Variants in ADAMTS17 observed in about 807,000 individuals in gnomAD.
ADAMTS17 encodes ADAM metallopeptidase with thrombospondin type 1 motif 17, also known as A disintegrin and metalloproteinase with thrombospondin motifs 17.
Under a neutral mutation model 141.5 loss-of-function variants are expected in ADAMTS17, and 113 were observed. The observed-to-expected ratio is 0.80, with a 90% CI of 0.69 to 0.93. The LOEUF (loss-of-function observed/expected upper bound fraction) is 0.93. Among genes scored for constraint, ADAMTS17 ranks in the 40% least tolerant of loss-of-function variants. ADAMTS17 has a pLI of 0.00. For missense variants in ADAMTS17, 1,659 were observed against 1,517.9 expected (o/e 1.09, Z -1.54); for synonymous variants, 768 against 630.6 (o/e 1.22, Z -3.27).
intron 15 of ADAMTS17, among the ~76,000 whole-genome samples, chr15:100,080,065 T>C (rs1446005457): frequency 6.6e-6 from 1 of 152,162 alleles, no homozygotes; most frequent in Non-Finnish European, 1.5e-5. Context: ...GTTTCTCCCA[T>C]AGCCAGGATT....
chr15:99,994,977 C>T lies in ADAMTS17; in HGVS notation c.2797-1777G>A, dbSNP rs140913722. Among the ~76,000 whole-genome samples the T allele has an allele frequency of 7.3e-3, 1,110 of 152,332 alleles. 7 individuals carry two copies. Among genetic ancestry groups the T allele is most frequent in the Non-Finnish European group, 0.012 (793 of 68,034 alleles). Reference sequence around the variant, plus strand: ...CATGCTTCAGAACTGGCTGCAATGTCCCCTGCAGGGAGTGGGGAGAGTAGC... The same window carrying T: ...CATGCTTCAGAACTGGCTGCAATGTTCCCTGCAGGGAGTGGGGAGAGTAGC... On this transcript the variant is annotated intron_variant, in intron 19 of 21. Transcript: ENST00000268070.
At chr15:99,979,904 C>T (rs1218464990) in intron 20 of ADAMTS17, 1 of 152,196 alleles carries the variant, frequency 6.6e-6, no homozygotes, top group Non-Finnish European at 1.5e-5. Context: ...CCACTTACAT[C>T]ACTAGAGACT....
intron 8 of ADAMTS17, among the ~76,000 whole-genome samples, chr15:100,194,307 G>A (rs559293838): frequency 2.6e-5 from 4 of 152,250 alleles, no homozygotes; most frequent in Admixed American, 6.5e-5. Flanking sequence ...GCCAGCAGCT[G>A]CACTAGGACC....
chr15:100,225,054 C>A (rs533678746), intron 7 of ADAMTS17, among the ~76,000 whole-genome samples: 1 of 152,238 alleles, frequency 6.6e-6, no homozygotes, highest in Non-Finnish European at 1.5e-5. Context: ...TTACTCACCA[C>A]CAATTTCACG....
chr15:100,065,818 C>T (rs1016926459), intron 15 of ADAMTS17, among the ~76,000 whole-genome samples: 6 of 152,150 alleles, frequency 3.9e-5, no homozygotes, highest in South Asian at 2.1e-4. Context: ...CCCATCACCT[C>T]GGTTTTAAGC....
intron 3 of ADAMTS17, among the ~76,000 whole-genome samples, chr15:100,296,536 A>C (rs887255583): frequency 6.6e-6 from 1 of 152,134 alleles, no homozygotes; most frequent in African/African-American, 2.4e-5. Context: ...CCTTACAAAG[A>C]AAGGTGGAAA....
At chr15:100,335,668 CAGG>C (rs1278138328) in intron 2 of ADAMTS17, among the ~76,000 whole-genome samples, 1 of 151,970 alleles carries the variant, frequency 6.6e-6, no homozygotes, top group South Asian at 2.1e-4. Flanking sequence ...GCCTGCAGGG[CAGG>C]AGAAGCGGCC....
chr15:100,054,163 A>C, intron 15 of ADAMTS17, 109 bp from the exon 16 acceptor site: 7 of 1,282,818 alleles, frequency 5.5e-6, no homozygotes, highest in Non-Finnish European at 7.9e-6. Context: ...TCTCCCTTCC[A>C]CAGGGGGAAG....
intron 10 of ADAMTS17, among the ~76,000 whole-genome samples, chr15:100,139,028 A>T (rs921186447): frequency 6.6e-6 from 1 of 152,174 alleles, no homozygotes; most frequent in Non-Finnish European, 1.5e-5. Flanking sequence ...TGTTTTGCAA[A>T]TTGATTGGTT....
chr15:100,325,206 G>C (rs137948895), intron 3 of ADAMTS17, among the ~76,000 whole-genome samples: 7 of 152,304 alleles, frequency 4.6e-5, no homozygotes, highest in African/African-American at 1.7e-4. Context: ...GTGCAGGTAA[G>C]AAAACAGAGG....
At chr15:100,243,801 A>AAG (rs2042901668) in intron 7 of ADAMTS17, among the ~76,000 whole-genome samples, 1 of 85,428 alleles carries the variant, frequency 1.2e-5, no homozygotes, top group Non-Finnish European at 2.4e-5. Context: ...AAAAAAAAAA[A>AAG]AAGAAAGAAA....
intron 7 of ADAMTS17, among the ~76,000 whole-genome samples, chr15:100,235,276 G>A (rs1287522571): frequency 6.6e-6 from 1 of 152,178 alleles, no homozygotes; most frequent in Non-Finnish European, 1.5e-5. Flanking sequence ...CAGTAGGGCT[G>A]GTGGCAGGCA....
intron 3 of ADAMTS17, among the ~76,000 whole-genome samples, chr15:100,323,506 G>A (rs918119862): frequency 6.6e-6 from 1 of 152,146 alleles, no homozygotes; most frequent in Non-Finnish European, 1.5e-5. Context: ...AGGGAAATGA[G>A]TAGCCTTAAA....
At chr15:100,234,512 T>A (rs916973077) in intron 7 of ADAMTS17, among the ~76,000 whole-genome samples, 37 of 152,328 alleles carry the variant, frequency 2.4e-4, no homozygotes, top group African/African-American at 8.7e-4. Flanking sequence ...CCATAATCCC[T>A]GCTTTTCCAA....
intron 15 of ADAMTS17, among the ~76,000 whole-genome samples, chr15:100,090,301 C>T (rs1160157439): frequency 6.6e-6 from 1 of 152,184 alleles, no homozygotes; most frequent in Non-Finnish European, 1.5e-5. Flanking sequence ...CCAAACATAC[C>T]TGCAAACAAG....
intron 15 of ADAMTS17, among the ~76,000 whole-genome samples, chr15:100,065,047 G>A (rs888315667): frequency 4.6e-5 from 7 of 152,030 alleles, no homozygotes; most frequent in African/African-American, 1.7e-4. Context: ...ATTTTGAGGG[G>A]TTTATTTATT....
intron 13 of ADAMTS17, among the ~76,000 whole-genome samples, chr15:100,110,627 G>A (rs1345612534): frequency 5.3e-5 from 8 of 152,132 alleles, no homozygotes; most frequent in Admixed American, 5.2e-4. Flanking sequence ...AAGTAATTGA[G>A]CAAGAGGAAT....
intron 9 of ADAMTS17, among the ~76,000 whole-genome samples, chr15:100,154,164 G>C (rs940315935): frequency 1.3e-5 from 2 of 152,192 alleles, no homozygotes; most frequent in African/African-American, 4.8e-5. Flanking sequence ...CTGGGAGACA[G>C]AGTGAGACTC....
chr15:99,978,163 G>A (rs1028477326), intron 20 of ADAMTS17, among the ~76,000 whole-genome samples: 5 of 152,188 alleles, frequency 3.3e-5, no homozygotes, highest in Non-Finnish European at 4.4e-5. Flanking sequence ...GGGGTCATGC[G>A]GAGTCTCCAG....
Sources: allele counts gnomAD v4.1 joint callset (sites outside exome capture counted in the v4.1 genomes callset), GRCh38; gene constraint gnomAD v4.1.1; transcripts MANE v1.5; gene names NCBI Gene and HGNC (gene_info 2026-07-23, HGNC 2026-07-21).